RIC8A: variants seen among roughly 807,000 people sequenced by gnomAD.
The protein encoded by RIC8A is RIC8 guanine nucleotide exchange factor A, also known as chaperone Ric-8A.
RIC8A carries 37 observed loss-of-function variants against 48.4 expected under a neutral mutation model. That is an observed-to-expected ratio of 0.77 (90% CI 0.59 to 1.01). The LOEUF (loss-of-function observed/expected upper bound fraction) is 1.01. Ranked by LOEUF, RIC8A falls within the 50% of genes least tolerant of loss-of-function variation. The pLI is 0.00. For missense variants in RIC8A, 681 were observed against 696.8 expected (o/e 0.98, Z 0.25); for synonymous variants, 288 against 283.4 (o/e 1.02, Z -0.16).
rs747261640 is a variant in RIC8A at position 209,436 on chromosome 11, G to A, written c.162G>A (p.Leu54=). The change falls in exon 3 of 10, where the codon CTG becomes CTA. Residue 54 remains leucine (L), a synonymous_variant. Coordinates refer to ENST00000526104, the MANE Select transcript of RIC8A (RefSeq NM_001286134.2). ...KRLAELLVSV[L]EQGLPPSHRV... ...TGGCGGAGCTGCTGGTCTCCGTCCT[G>A]GAACAGGGCTTGCCACCCTCCCACC... 1.9e-6 allele frequency: 3 copies of A among 1,602,428 alleles called. No homozygotes were observed. Among genetic ancestry groups the A allele is most frequent in the South Asian group, 2.2e-5 (2 of 90,610 alleles).
intron 5 of RIC8A, 154 bp from the exon 6 acceptor site, chr11:212,262 T>C (rs12574034): frequency 0.31 from 212,552 of 691,892 alleles, 35,006 homozygotes; most frequent in East Asian, 0.57. Flanking sequence ...CTTGGCCTTC[T>C]GCTGACTAAC....
At chr11:212,083 C>T (rs547754026) in intron 5 of RIC8A, 8 of 319,778 alleles carry the variant, frequency 2.5e-5, no homozygotes, top group African/African-American at 4.2e-5. Flanking sequence ...AATGTGTGTG[C>T]GAGTCTAAAG....
rs746467230 is a variant in RIC8A at position 214,337 on chromosome 11, C to T, written c.1583C>T (p.Ser528Leu). 23 of 1,602,194 alleles carry T rather than the reference C, an allele frequency of 1.4e-5. No homozygotes were observed. In the East Asian group the frequency reaches 2.0e-4, roughly 14 times the overall value. The change falls in exon 10 of 10, where the codon TCG becomes TTG. Residue 528 changes from serine (S) to leucine (L), a missense_variant. Transcript: ENST00000526104. ...CAGCAGCTCTCCTCGGACCCTGACT[C>T]GGACCCTGACTGAGGATGGCAGCTC... ...MEQQLSSDPDSDPD is the reference protein window; with the variant it reads ...MEQQLSSDPDLDPD
rs1387087537 is a variant in RIC8A, at chr11:213,433, G to A, written c.1475+15G>A. 8 of 1,568,606 alleles carry A rather than the reference G, an allele frequency of 5.1e-6. No homozygotes were observed. The highest frequency in any genetic ancestry group is 1.9e-5 in the Admixed American group (1 of 52,968). The stretch of plus-strand genomic sequence containing the variant: ...AAGCTCTCCAGGTGTGTGGCATGAG[G>A]AGGAGGGGCCTGCAGCTGGGAGAAG... On this transcript the variant is annotated intron_variant, in intron 9 of 9. Coordinates refer to ENST00000526104, the MANE Select transcript of RIC8A (RefSeq NM_001286134.2).
In RIC8A at chr11:209,962, A is replaced by G; in HGVS notation, c.688A>G (p.Asn230Asp). Residue 230 changes from asparagine to aspartate, a missense_variant, in exon 3 of 10, where the codon AAC becomes GAC. Physicochemically the swap from Asn to Asp is conservative, Grantham distance 23. Transcript: ENST00000526104. ...RAMEILKVLF[N>D]ITLDSIKGEV... Reference sequence around the variant, plus strand: ...CATGGAGATCCTCAAAGTGCTCTTCAACATCACCCTGGACTCCATCAAGGG... The same window carrying G: ...CATGGAGATCCTCAAAGTGCTCTTCGACATCACCCTGGACTCCATCAAGGG... The G allele has an allele frequency of 6.3e-7, 1 of 1,599,122 alleles. No individual in the cohort carries two copies. Among genetic ancestry groups the G allele is most frequent in the Non-Finnish European group, 8.5e-7 (1 of 1,178,450 alleles).
Position 208,764 on chromosome 11 carries a change from C to T in RIC8A, c.-91C>T. On this transcript the variant is annotated 5_prime_UTR_variant, in exon 1 of 10. Coordinates refer to ENST00000526104, the MANE Select transcript of RIC8A (RefSeq NM_001286134.2). The surrounding 1 kb of genome is among the most constrained non-coding windows in gnomAD (Gnocchi z 4.8). ...GCCCCGTCCCGGCCTCCCCCGCGCG[C>T]TGGCGCGGGGCTTTCTGGGCCAGGG... The T allele has an allele frequency of 3.0e-6, 3 of 1,016,850 alleles. No homozygotes were observed. The highest frequency in any genetic ancestry group is 4.1e-6 in the Non-Finnish European group (3 of 724,530). 63.0% of individuals were successfully genotyped at this position (1,016,850 alleles called of 1,614,324 possible).
At chr11:213,787 C>CA (rs1001532011) in intron 9 of RIC8A, 132 of 234,518 alleles carry the variant, frequency 5.6e-4, no homozygotes, top group East Asian at 1.1e-3. Context: ...TGCTAAAATA[C>CA]AAAAAAAAAG....
At chr11:213,242 C>T in intron 8 of RIC8A, 57 bp from the exon 9 acceptor site, 1 of 1,601,330 alleles carries the variant, frequency 6.2e-7, no homozygotes, top group Non-Finnish European at 8.5e-7. Flanking sequence ...AGGTGGCTTG[C>T]CTCCTGTCCT....
chr11:210,454 T>C (rs756498174), intron 3 of RIC8A, 117 bp from the exon 4 acceptor site: 5 of 984,562 alleles, frequency 5.1e-6, no homozygotes, highest in Non-Finnish European at 8.2e-6. Context: ...AGGTATGCAG[T>C]ACAGGAGGTG....
At position 209,695 on chromosome 11, in the gene RIC8A, G is replaced by A; in HGVS notation, c.421G>A (p.Val141Met). 1.9e-6 allele frequency: 3 copies of A among 1,614,010 alleles called. No individual in the cohort carries two copies. Among genetic ancestry groups the A allele is most frequent in the Non-Finnish European group, 2.5e-6 (3 of 1,180,024 alleles). ...AQMLAAEARL[V>M]VKLTERVGLY... is the part of the protein sequence containing the mutation. ...GATGCTGGCAGCAGAGGCCCGCCTA[G>A]TGGTGAAGCTCACAGAGCGTGTGGG... Residue 141 changes from valine to methionine, a missense_variant, in exon 3 of 10, where the codon GTG becomes ATG. By Grantham distance (21) the Val-to-Met change is conservative. Coordinates refer to ENST00000526104, the MANE Select transcript of RIC8A (RefSeq NM_001286134.2).
At position 209,507 on chromosome 11, in the gene RIC8A, A is replaced by G. The variant is rs1426848220; in HGVS notation, c.233A>G (p.Asn78Ser). 4 of 1,613,422 alleles carry G rather than the reference A, an allele frequency of 2.5e-6. No individual in the cohort carries two copies. The African/African-American group carries it at 4.0e-5, about 16-fold the overall frequency. ...QSVRILSRDRNCLDPFTSRQS... is the reference protein window; with the variant it reads ...QSVRILSRDRSCLDPFTSRQS... ...GTCCGAATCCTGTCCCGGGACCGCA[A>G]CTGCCTGGACCCGTTCACCAGCCGC... The change falls in exon 3 of 10, where the codon AAC (asparagine) becomes AGC (serine). Residue 78 changes from asparagine (N) to serine (S), a missense_variant. Coordinates refer to ENST00000526104, the MANE Select transcript of RIC8A (RefSeq NM_001286134.2).
intron 7 of RIC8A, 33 bp from the exon 8 acceptor site, chr11:212,804 G>A (rs1362824036): frequency 3.7e-6 from 6 of 1,611,256 alleles, no homozygotes; most frequent in Non-Finnish European, 5.1e-6. Context: ...ACCTCAGCCA[G>A]GCTTGCACAC....
chr11:211,453 A>C lies in RIC8A; in HGVS notation c.969+104A>C. 7.9e-7 allele frequency: 1 copy of C among 1,268,152 alleles called. No individual in the cohort carries two copies. The highest frequency in any genetic ancestry group is 1.5e-5 in the South Asian group (1 of 64,872). The allele number at this position is 1,268,152 out of a possible 1,614,324, so 78.6% of individuals were successfully genotyped here. A position where few individuals can be genotyped will look rare whatever the true frequency, so the allele number is the denominator to read the frequency against. On this transcript the variant is annotated intron_variant, in intron 5 of 9. Coordinates refer to ENST00000526104, the MANE Select transcript of RIC8A (RefSeq NM_001286134.2). The surrounding 1 kb of genome is among the most constrained non-coding windows in gnomAD (Gnocchi z 4.0). ...ACACTGTCCACACTGGTACGTGGAG[A>C]TTGTCTTGGTGGTGTGATATGGGCG...
rs146443208 is a variant in RIC8A at position 212,755 on chromosome 11, G to A, written c.1206G>A (p.Glu402=). 7.4e-5 allele frequency: 120 copies of A among 1,614,068 alleles called. 1 individual carries two copies. In the East Asian group the frequency reaches 2.5e-3, roughly 34 times the overall value. Residue 402 remains glutamate (E), a synonymous_variant, in exon 7 of 10, where the codon GAG becomes GAA. Transcript: ENST00000526104. ...AAEFLFVLCS[E]SVPRFIKYTG... ...AGTTCTTGTTTGTCCTGTGCTCTGA[G>A]AGTGGTGAGTTATGGAGACCCAGGT...
Position 208,842 on chromosome 11 carries a change from T to C in RIC8A, c.-13T>C, listed in dbSNP as rs1657129917. 8.1e-6 allele frequency: 13 copies of C among 1,605,074 alleles called. No homozygotes were observed. The highest frequency in any genetic ancestry group is 1.1e-5 in the Non-Finnish European group (13 of 1,176,536). On this transcript the variant is annotated 5_prime_UTR_variant, in exon 1 of 10. Transcript: ENST00000526104. The surrounding 1 kb of genome is among the most constrained non-coding windows in gnomAD (Gnocchi z 4.8). The stretch of plus-strand genomic sequence containing the variant: ...GGCTGAGGAAGGGCCCGTCCCGCCT[T>C]CCCCGGCGCGCCATGGAGCCCCGGG...
Position 209,520 on chromosome 11 carries a change from G to T in RIC8A, c.246G>T (p.Pro82=). The change falls in exon 3 of 10, where the codon CCG becomes CCT. Residue 82 remains proline (P), a synonymous_variant. Transcript: ENST00000526104. ...ILSRDRNCLD[P]FTSRQSLQAL... ...CCCGGGACCGCAACTGCCTGGACCC[G>T]TTCACCAGCCGCCAGAGCCTGCAGG... 2 of 1,613,912 alleles carry T rather than the reference G, an allele frequency of 1.2e-6. No individual in the cohort carries two copies. The highest frequency in any genetic ancestry group is 8.5e-7 in the Non-Finnish European group (1 of 1,179,996).
Position 214,210 on chromosome 11 carries a change from A to G in RIC8A, c.1476-20A>G, listed in dbSNP as rs781385385. 1.2e-6 allele frequency: 2 copies of G among 1,612,040 alleles called. No individual in the cohort carries two copies. The highest frequency in any genetic ancestry group is 3.3e-5 in the Admixed American group (2 of 59,822). On this transcript the variant is annotated intron_variant, in intron 9 of 9. Transcript: ENST00000526104. ...CCAACTGGGCCCCTTCCCCAGCCCC[A>G]CTGCACCTTTCCCCAACAGGAACAG...
chr11:212,400 A>G lies in RIC8A; in HGVS notation c.970-16A>G, dbSNP rs1004342842. The G allele has an allele frequency of 2.5e-6, 4 of 1,612,374 alleles. No homozygotes were observed. The African/African-American group carries it at 5.3e-5, about 21-fold the overall frequency. On this transcript the variant is annotated splice_polypyrimidine_tract_variant and intron_variant, in intron 5 of 9. Transcript: ENST00000526104. ...TAGGCAGGGGCATAGCCCCAGTGAC[A>G]GAGAATCCTCTACAGACACACAGGC...
Position 208,670 on chromosome 11 carries a change from T to G in RIC8A, c.-185T>G. ...CTTAAAACCTCCGAGCCGCCAGTTC[T>G]GCCTCAGGCCGCGCCCCCTTAAAGC... is the stretch of plus-strand genomic sequence containing the variant. On this transcript the variant is annotated 5_prime_UTR_variant, in exon 1 of 10. Transcript: ENST00000526104. This position sits in a 1 kb window ranked among gnomAD's most constrained non-coding sequence, Gnocchi z 4.8. 6 of 499,662 alleles carry G rather than the reference T, an allele frequency of 1.2e-5. No individual in the cohort carries two copies. The highest frequency in any genetic ancestry group is 2.1e-5 in the Non-Finnish European group (6 of 287,254). The allele number at this position is 499,662 out of a possible 1,614,324, so 31.0% of individuals were successfully genotyped here. A position where few individuals can be genotyped will look rare whatever the true frequency, so the allele number is the denominator to read the frequency against.
Sources: gnomAD v4.1 joint callset for allele counts on GRCh38, gnomAD v4.1.1 for gene constraint, Gnocchi (gnomAD v3.1) non-coding constraint, MANE v1.5 for transcripts, NCBI Gene and HGNC (gene_info 2026-07-23, HGNC 2026-07-21) for gene names.